PPM1G: variants seen among roughly 807,000 people sequenced by gnomAD.
The protein encoded by PPM1G is protein phosphatase, Mg2+/Mn2+ dependent 1G.
Under a neutral mutation model 59.4 loss-of-function variants are expected in PPM1G, and 12 were observed. The observed-to-expected ratio is 0.20, with a 90% CI of 0.13 to 0.33. The LOEUF (loss-of-function observed/expected upper bound fraction) is 0.33, where lower values mean the gene tolerates loss of function less well. PPM1G is among the 10% of genes least tolerant of loss of function. PPM1G has a pLI of 1.00. For synonymous variants in PPM1G, 245 were observed against 251.9 expected, an observed-to-expected ratio of 0.97 and a Z score of 0.26; for missense variants, 392 against 681.3, an observed-to-expected ratio of 0.58 and a Z score of 4.73.
In PPM1G at chr2:27,385,153, T is replaced by G; in HGVS notation, c.410-65A>C. 6.7e-7 allele frequency: 1 copy of G among 1,498,946 alleles called. No homozygotes were observed. Among genetic ancestry groups the G allele is most frequent in the Non-Finnish European group, 8.9e-7 (1 of 1,128,044 alleles). 92.9% of individuals were successfully genotyped at this position (1,498,946 alleles called of 1,614,324 possible). On this transcript the variant is annotated intron_variant, in intron 4 of 9. Coordinates refer to ENST00000344034, the MANE Select transcript of PPM1G (RefSeq NM_177983.3). The surrounding 1 kb of genome is among the most constrained non-coding windows in gnomAD (Gnocchi z 4.1). Reference sequence around the variant, plus strand: ...TCCTCATGGGATCCGTCCCTCTCACTACCTCAACAGCCCTTGCAGCCTCTA... The same window carrying G: ...TCCTCATGGGATCCGTCCCTCTCACGACCTCAACAGCCCTTGCAGCCTCTA...
At chr2:27,392,057 A>G (rs1211619570) in intron 1 of PPM1G, among the ~76,000 whole-genome samples, 1 of 151,066 alleles carries the variant, frequency 6.6e-6, no homozygotes, top group Non-Finnish European at 1.5e-5. Context: ...CTATACCTCA[A>G]ACTTAACACA....
intron 1 of PPM1G, 47 bp downstream of exon 1, chr2:27,409,255 CA>C: frequency 6.5e-7 from 1 of 1,531,644 alleles, no homozygotes; most frequent in Non-Finnish European, 8.8e-7. Flanking sequence ...CTTTCTCCGT[CA>C]GATTCCCGCC....
Position 27,382,463 on chromosome 2 carries a change from T to C in PPM1G, c.1331+13A>G. ...GCAGAAAGGGGAATTTAGGGCATTC[T>C]GCCAGTGCTCACCAGATGCCATCAC... On this transcript the variant is annotated intron_variant, in intron 8 of 9. Coordinates refer to ENST00000344034, the MANE Select transcript of PPM1G (RefSeq NM_177983.3). This position sits in a 1 kb window ranked among gnomAD's most constrained non-coding sequence, Gnocchi z 4.2. 1 of 1,613,842 alleles carries C rather than the reference T, an allele frequency of 6.2e-7. No homozygotes were observed. Among genetic ancestry groups the C allele is most frequent in the Non-Finnish European group, 8.5e-7 (1 of 1,179,966 alleles).
chr2:27,397,930 A>G (rs1436451349), intron 1 of PPM1G, among the ~76,000 whole-genome samples: 1 of 152,140 alleles, frequency 6.6e-6, no homozygotes, highest in Non-Finnish European at 1.5e-5. Context: ...TAAACCTGAT[A>G]GAGTACATCT....
Position 27,382,727 on chromosome 2 carries a change from G to T in PPM1G, c.1202-122C>A. ...AAGTTCCATAATCTAGTGGAATGGG[G>T]AACTGAGTCCTAAGTCCTAGTTTTT... On this transcript the variant is annotated intron_variant, in intron 7 of 9. Coordinates refer to ENST00000344034, the MANE Select transcript of PPM1G (RefSeq NM_177983.3). This position sits in a 1 kb window ranked among gnomAD's most constrained non-coding sequence, Gnocchi z 4.2. The T allele has an allele frequency of 7.8e-7, 1 of 1,280,512 alleles. No homozygotes were observed. Among genetic ancestry groups the T allele is most frequent in the Admixed American group, 2.1e-5 (1 of 48,096 alleles). 79.3% of individuals were successfully genotyped at this position (1,280,512 alleles called of 1,614,324 possible). A position where few individuals can be genotyped will look rare whatever the true frequency, so the allele number is the denominator to read the frequency against.
Position 27,385,159 on chromosome 2 carries a change from A to G in PPM1G, c.410-71T>C. ...TGGGATCCGTCCCTCTCACTACCTC[A>G]ACAGCCCTTGCAGCCTCTAACTTCC... On this transcript the variant is annotated intron_variant, in intron 4 of 9. Transcript: ENST00000344034. This position sits in a 1 kb window ranked among gnomAD's most constrained non-coding sequence, Gnocchi z 4.1. The G allele has an allele frequency of 6.7e-7, 1 of 1,489,144 alleles. No homozygotes were observed. The highest frequency in any genetic ancestry group is 8.9e-7 in the Non-Finnish European group (1 of 1,122,120). The allele number at this position is 1,489,144 out of a possible 1,614,324, so 92.2% of individuals were successfully genotyped here. A position where few individuals can be genotyped will look rare whatever the true frequency, so the allele number is the denominator to read the frequency against.
chr2:27,385,943 A>C lies in PPM1G; in HGVS notation c.277-64T>G. The stretch of plus-strand genomic sequence containing the variant: ...GAACTCCCTATATACAATCCTGAGC[A>C]CAAGGATGGAATACAAATTAAGAGT... On this transcript the variant is annotated intron_variant, in intron 3 of 9. Transcript: ENST00000344034. This position sits in a 1 kb window ranked among gnomAD's most constrained non-coding sequence, Gnocchi z 4.1. 2.6e-6 allele frequency: 4 copies of C among 1,529,922 alleles called. No homozygotes were observed. Among genetic ancestry groups the C allele is most frequent in the Non-Finnish European group, 3.5e-6 (4 of 1,134,530 alleles). 94.8% of individuals were successfully genotyped at this position (1,529,922 alleles called of 1,614,324 possible).
intron 1 of PPM1G, among the ~76,000 whole-genome samples, chr2:27,391,810 C>A (rs1683913108): frequency 1.3e-5 from 2 of 151,298 alleles, no homozygotes; most frequent in South Asian, 4.2e-4. Flanking sequence ...CGGCTCATCA[C>A]AACCTCTGCC....
At chr2:27,388,026 C>T (rs1401750077) in intron 1 of PPM1G, among the ~76,000 whole-genome samples, 3 of 151,768 alleles carry the variant, frequency 2.0e-5, no homozygotes. Context: ...TCTCGATCTC[C>T]TGATCTCGGG....
Position 27,384,858 on chromosome 2 carries a change from A to T in PPM1G, c.640T>A (p.Phe214Ile), listed in dbSNP as rs533384037. 1 of 1,614,184 alleles carries T rather than the reference A, an allele frequency of 6.2e-7. No homozygotes were observed. The highest frequency in any genetic ancestry group is 8.5e-7 in the Non-Finnish European group (1 of 1,180,036). ...GTCCCACGTTCCGAGTTGGAGGAAA[A>T]GCCTGTGTAGGCCTTGGCTGTGGGG... ...NGPTAKAYTG[F>I]SSNSERGTEA... The change falls in exon 5 of 10, where the codon TTT becomes ATT. Residue 214 changes from phenylalanine to isoleucine, a missense_variant. Physicochemically the swap from Phe to Ile is conservative, Grantham distance 21. This residue lies in a region of PPM1G where 188 missense variants were observed against 248.8 expected (regional missense o/e 0.76). Transcript: ENST00000344034. The surrounding 1 kb of genome is among the most constrained non-coding windows in gnomAD (Gnocchi z 4.8).
At chr2:27,399,845 T>C (rs912506747) in intron 1 of PPM1G, among the ~76,000 whole-genome samples, 2 of 151,582 alleles carry the variant, frequency 1.3e-5, no homozygotes, top group Admixed American at 6.6e-5. Context: ...GTTAAACACG[T>C]AGTTACCATA....
At chr2:27,393,269 G>A in intron 1 of PPM1G, 2 of 1,593,330 alleles carry the variant, frequency 1.3e-6, no homozygotes, top group Non-Finnish European at 1.7e-6. Context: ...ACAGGTAAAT[G>A]GAGGAGGCGT....
intron 1 of PPM1G, chr2:27,392,660 T>A: frequency 1.6e-6 from 1 of 623,396 alleles, no homozygotes; most frequent in Non-Finnish European, 2.9e-6. Context: ...ATGGTACAAA[T>A]CAAAGAACTT....
At chr2:27,381,954 A>G in intron 9 of PPM1G, 149 bp from the exon 10 acceptor site, 4 of 999,780 alleles carry the variant, frequency 4.0e-6, no homozygotes, top group Non-Finnish European at 6.0e-6. Flanking sequence ...GCTAGTCCAT[A>G]AGGCATAAGG....
chr2:27,408,729 A>C (rs750531478), intron 1 of PPM1G, among the ~76,000 whole-genome samples: 2 of 152,176 alleles, frequency 1.3e-5, no homozygotes, highest in African/African-American at 2.4e-5. Context: ...AAGAGTGCAA[A>C]TGAGTGACAA....
Position 27,383,931 on chromosome 2 carries a change from T to C in PPM1G, c.966+21A>G. 4 of 1,551,548 alleles carry C rather than the reference T, an allele frequency of 2.6e-6. No individual in the cohort carries two copies. Among genetic ancestry groups the C allele is most frequent in the Admixed American group, 2.0e-5 (1 of 50,994 alleles). ...CTGCCTTGTGGCTTTTCAAGACTCA[T>C]TGCTCCCCTTCCCCACACACCTCCT... On this transcript the variant is annotated intron_variant, in intron 6 of 9. Coordinates refer to ENST00000344034, the MANE Select transcript of PPM1G (RefSeq NM_177983.3). The surrounding 1 kb of genome is among the most constrained non-coding windows in gnomAD (Gnocchi z 5.0).
At chr2:27,391,898 A>G (rs767136965) in intron 1 of PPM1G, among the ~76,000 whole-genome samples, 9 of 151,564 alleles carry the variant, frequency 5.9e-5, no homozygotes, top group Admixed American at 2.0e-4. Flanking sequence ...CGCCCAGCTA[A>G]TTTTTGTATT....
intron 1 of PPM1G, among the ~76,000 whole-genome samples, chr2:27,395,419 C>T (rs1303524853): frequency 2.0e-5 from 3 of 151,928 alleles, no homozygotes; most frequent in Non-Finnish European, 2.9e-5. Flanking sequence ...ATCCCAGCTT[C>T]TCAGGAGGCT....
chr2:27,385,114 CCCCCATGCCAGACT>C lies in PPM1G; in HGVS notation c.410-40_410-27del. The C allele has an allele frequency of 6.5e-7, 1 of 1,549,736 alleles. No homozygotes were observed. Among genetic ancestry groups the C allele is most frequent in the Non-Finnish European group, 8.7e-7 (1 of 1,151,890 alleles). Reference sequence around the variant, plus strand: ...CTGCAGGGAAGAGGCTAAATCAGAGCCCCCATGCCAGACTCCTCATGGGATCCGTCCCTCTCACT... The same window carrying C: ...CTGCAGGGAAGAGGCTAAATCAGAGCCCTCATGGGATCCGTCCCTCTCACT... On this transcript the variant is annotated intron_variant, in intron 4 of 9. Transcript: ENST00000344034. The surrounding 1 kb of genome is among the most constrained non-coding windows in gnomAD (Gnocchi z 4.1).
Sources: allele counts gnomAD v4.1 joint callset (sites outside exome capture counted in the v4.1 genomes callset), GRCh38; gene constraint gnomAD v4.1.1; regional missense constraint gnomAD v4.1.1; non-coding constraint Gnocchi (gnomAD v3.1); transcripts MANE v1.5; gene names NCBI Gene and HGNC (gene_info 2026-07-23, HGNC 2026-07-21).